Variants in CCSER1 observed in about 807,000 individuals in gnomAD.
CCSER1 encodes the protein coiled-coil serine rich protein 1, also known as serine-rich coiled-coil domain-containing protein 1.
Under a neutral mutation model 82.0 loss-of-function variants are expected in CCSER1, and 41 were observed. The ratio of observed to expected loss-of-function variants is 0.50; its 90% CI spans 0.39 to 0.65. The LOEUF is 0.65. Ranked by LOEUF, CCSER1 falls within the 30% of genes least tolerant of loss-of-function variation. CCSER1 has a pLI of 0.00. For synonymous variants in CCSER1, 414 were observed against 383.9 expected (o/e 1.08, Z -0.92); for missense variants, 1,119 against 1,064.2 (o/e 1.05, Z -0.72).
chr4:90,695,622 G>A (rs1379641657), intron 6 of CCSER1, among the ~76,000 whole-genome samples: 1 of 151,948 alleles, frequency 6.6e-6, no homozygotes, highest in Non-Finnish European at 1.5e-5. Context: ...TGTGATTTTT[G>A]TCTGTGTACA....
intron 1 of CCSER1, among the ~76,000 whole-genome samples, chr4:90,154,277 T>C (rs942634257): frequency 7.9e-5 from 12 of 152,256 alleles, no homozygotes; most frequent in Non-Finnish European, 1.6e-4. Context: ...TTTTGGTTAC[T>C]GTAGCCTTGT....
intron 10 of CCSER1, among the ~76,000 whole-genome samples, chr4:91,511,449 T>C (rs544179071): frequency 6.6e-6 from 1 of 152,262 alleles, no homozygotes; most frequent in East Asian, 1.9e-4. Context: ...TTCCAGGCCA[T>C]AGTAATGCAA....
intron 7 of CCSER1, among the ~76,000 whole-genome samples, chr4:90,794,506 T>A (rs1482912627): frequency 1.3e-5 from 2 of 152,212 alleles, no homozygotes; most frequent in African/African-American, 4.8e-5. Flanking sequence ...TTCTCTGTTT[T>A]GTTCCATTGG....
chr4:90,606,772 TG>T (rs1270367541), intron 5 of CCSER1, among the ~76,000 whole-genome samples: 1 of 152,202 alleles, frequency 6.6e-6, no homozygotes, highest in African/African-American at 2.4e-5. Context: ...GTATATATAC[TG>T]TTCTACTCTG....
intron 5 of CCSER1, among the ~76,000 whole-genome samples, chr4:90,598,923 CA>C (rs991748795): frequency 6.6e-6 from 1 of 152,108 alleles, no homozygotes; most frequent in African/African-American, 2.4e-5. Context: ...GCAATGATGG[CA>C]AAACCTCCGG....
intron 10 of CCSER1, among the ~76,000 whole-genome samples, chr4:91,335,715 A>G (rs1353134512): frequency 1.3e-5 from 2 of 151,106 alleles, no homozygotes; most frequent in South Asian, 2.1e-4. Flanking sequence ...TGAAGAAGAT[A>G]CAGCATTGGG....
At chr4:90,517,663 T>A (rs575821724) in intron 5 of CCSER1, among the ~76,000 whole-genome samples, 1 of 152,112 alleles carries the variant, frequency 6.6e-6, no homozygotes, top group Non-Finnish European at 1.5e-5. Flanking sequence ...ATGATATCAT[T>A]TAAGCTAAGA....
At chr4:90,533,414 A>C (rs1774886175) in intron 5 of CCSER1, among the ~76,000 whole-genome samples, 1 of 152,116 alleles carries the variant, frequency 6.6e-6, no homozygotes. Flanking sequence ...TTTATCTGCT[A>C]TTCTCAGATT....
At chr4:91,167,898 C>T (rs1009270177) in intron 10 of CCSER1, among the ~76,000 whole-genome samples, 1 of 152,252 alleles carries the variant, frequency 6.6e-6, no homozygotes, top group Admixed American at 6.5e-5. Context: ...AGGAGTGCCT[C>T]TGCCCGGCCG....
intron 5 of CCSER1, among the ~76,000 whole-genome samples, chr4:90,525,725 C>T (rs1047857731): frequency 7.9e-5 from 12 of 151,948 alleles, no homozygotes; most frequent in African/African-American, 2.7e-4. Context: ...CACAGCAGTC[C>T]GTAACTGGGC....
At chr4:90,522,455 C>A in intron 5 of CCSER1, among the ~76,000 whole-genome samples, 1 of 152,110 alleles carries the variant, frequency 6.6e-6, no homozygotes. Context: ...AGTCCATGAT[C>A]TATACTGGTA....
chr4:91,068,874 G>T (rs1482548076), intron 9 of CCSER1, among the ~76,000 whole-genome samples: 2 of 152,108 alleles, frequency 1.3e-5, no homozygotes. Flanking sequence ...ATATTAAAAT[G>T]GAGACATTTT....
chr4:90,335,006 T>A (rs1740114196), intron 3 of CCSER1, among the ~76,000 whole-genome samples: 3 of 152,254 alleles, frequency 2.0e-5, no homozygotes, highest in South Asian at 4.1e-4. Context: ...AAGTCAAAAA[T>A]CTTATGTGTA....
chr4:90,717,739 T>TAC (rs1561006923), intron 6 of CCSER1, among the ~76,000 whole-genome samples: 1 of 91,084 alleles, frequency 1.1e-5, no homozygotes, highest in Non-Finnish European at 2.3e-5. Flanking sequence ...TATATATATA[T>TAC]ACACATATAT....
At chr4:91,346,493 G>C (rs1416232359) in intron 10 of CCSER1, among the ~76,000 whole-genome samples, 1 of 152,118 alleles carries the variant, frequency 6.6e-6, no homozygotes, top group East Asian at 1.9e-4. Context: ...AACTCACTTA[G>C]GTAAATACTA....
chr4:90,636,081 A>G (rs1725367979), intron 6 of CCSER1, among the ~76,000 whole-genome samples: 1 of 151,912 alleles, frequency 6.6e-6, no homozygotes, highest in African/African-American at 2.4e-5. Context: ...ATTAAGAAAC[A>G]TAAATACTAG....
intron 6 of CCSER1, among the ~76,000 whole-genome samples, chr4:90,704,922 C>T (rs1580047608): frequency 6.6e-6 from 1 of 152,096 alleles, no homozygotes; most frequent in Admixed American, 6.6e-5. Context: ...GTTCGAACTT[C>T]CTTCTGTAGC....
chr4:90,232,169 A>G (rs1312988503), intron 1 of CCSER1, among the ~76,000 whole-genome samples: 1 of 152,182 alleles, frequency 6.6e-6, no homozygotes, highest in Admixed American at 6.5e-5. Flanking sequence ...CGCCAAGTCA[A>G]TCCTAATCCA....
intron 9 of CCSER1, among the ~76,000 whole-genome samples, chr4:91,066,698 A>G (rs1421821749): frequency 2.0e-5 from 3 of 152,200 alleles, no homozygotes; most frequent in Non-Finnish European, 4.4e-5. Context: ...CATATTCTCT[A>G]TCTCTAGGTT....
Sources: gnomAD v4.1 joint callset for allele counts (sites outside exome capture counted in the v4.1 genomes callset) on GRCh38, gnomAD v4.1.1 for gene constraint, MANE v1.5 for transcripts, NCBI Gene and HGNC (gene_info 2026-07-23, HGNC 2026-07-21) for gene names.